AP2B1: variants seen among roughly 807,000 people sequenced by gnomAD.
The protein encoded by AP2B1 is adaptor related protein complex 2 subunit beta 1, also known as AP-2 complex subunit beta.
AP2B1 carries 23 observed loss-of-function variants against 102.0 expected under a neutral mutation model. The ratio of observed to expected loss-of-function variants is 0.23; its 90% CI spans 0.16 to 0.32. The LOEUF (loss-of-function observed/expected upper bound fraction) is 0.32, where lower values mean the gene tolerates loss of function less well. Among genes scored for constraint, AP2B1 ranks in the 10% least tolerant of loss-of-function variants. The pLI is 1.00. For missense variants in AP2B1, 541 were observed against 1,157.4 expected, an observed-to-expected ratio of 0.47 and a Z score of 7.73; for synonymous variants, 381 against 421.2, an observed-to-expected ratio of 0.90 and a Z score of 1.17.
intron 17 of AP2B1, among the ~76,000 whole-genome samples, chr17:35,679,596 T>C (rs957618748): frequency 2.6e-5 from 4 of 152,156 alleles, no homozygotes; most frequent in Non-Finnish European, 5.9e-5. Context: ...ACAGTAGTTT[T>C]GGAGAAGGTG....
intron 21 of AP2B1, among the ~76,000 whole-genome samples, chr17:35,720,545 T>TTATATATATATATATA (rs1213888032): frequency 4.8e-4 from 26 of 54,366 alleles, no homozygotes; most frequent in African/African-American, 2.0e-3. Context: ...TTTATTTTAT[T>TTATATATATATATATA]TATATATATA....
intron 20 of AP2B1, chr17:35,713,919 T>A (rs952345851): frequency 4.6e-5 from 7 of 152,228 alleles, no homozygotes; most frequent in African/African-American, 1.7e-4. Context: ...TGTTGGGAGA[T>A]CTGTATGAAT....
chr17:35,614,655 T>TG (rs754043078), intron 5 of AP2B1, among the ~76,000 whole-genome samples: 1 of 93,158 alleles, frequency 1.1e-5, no homozygotes, highest in Non-Finnish European at 2.0e-5. Flanking sequence ...GTTGAATTAG[T>TG]AAAAAAAAAA....
chr17:35,684,809 G>A lies in AP2B1; in HGVS notation c.2454+1985G>A, dbSNP rs138580511. On this transcript the variant is annotated intron_variant, in intron 18 of 21. Coordinates refer to ENST00000610402, the MANE Select transcript of AP2B1 (RefSeq NM_001030006.2). ...ATATTTGAGGACAGTCAGCATGCAC[G>A]CAAGAATGCTTTACCTCATAAGTAG... 2.4e-3 allele frequency among the ~76,000 whole-genome samples: 360 copies of A among 152,208 alleles called. 1 individual carries two copies. The highest frequency in any genetic ancestry group is 7.7e-3 in the African/African-American group (319 of 41,536).
At chr17:35,661,180 A>T (rs906692121) in intron 14 of AP2B1, among the ~76,000 whole-genome samples, 5 of 152,126 alleles carry the variant, frequency 3.3e-5, no homozygotes, top group African/African-American at 4.8e-5. Context: ...TATCTGCAGA[A>T]TTGGTCCCAC....
intron 10 of AP2B1, among the ~76,000 whole-genome samples, chr17:35,638,150 T>C (rs937059822): frequency 2.0e-5 from 3 of 152,182 alleles, no homozygotes; most frequent in Non-Finnish European, 4.4e-5. Context: ...TTTAAACTTA[T>C]TAAGGGTGAA....
chr17:35,670,534 A>C (rs1444918425), intron 14 of AP2B1, among the ~76,000 whole-genome samples: 1 of 152,140 alleles, frequency 6.6e-6, no homozygotes, highest in Non-Finnish European at 1.5e-5. Flanking sequence ...AGAGCGTCTT[A>C]GAATATGCAA....
chr17:35,671,762 A>G lies in AP2B1; in HGVS notation c.2040A>G (p.Gln680=), dbSNP rs757846710. The part of the protein sequence containing the change: ...GGIGGSPAVG[Q]SFIPSSVPAT... ...TTTTTTTTCTCCTGCAGGTGGGACA[A>G]TCCTTCATCCCATCATCGGTGCCTG... Residue 680 remains glutamine (Q), a synonymous_variant, in exon 16 of 22, where the codon CAA becomes CAG. Transcript: ENST00000610402. The G allele has an allele frequency of 4.3e-6, 7 of 1,613,500 alleles. No homozygotes were observed. In the South Asian group the frequency reaches 4.4e-5, roughly 10 times the overall value.
At chr17:35,660,015 T>C (rs3506) in intron 14 of AP2B1, 82,528 of 985,264 alleles carry the variant, frequency 0.084, 3,651 homozygotes, top group Middle Eastern at 0.13. Flanking sequence ...ATTGTTCTTA[T>C]GCAAATTACC....
chr17:35,685,744 A>T lies in AP2B1; in HGVS notation c.2454+2920A>T, dbSNP rs587612754. ...AGACTATTTGAAACACTATTTAAAA[A>T]TTTAAAAGATACCATTCATTCTTTT... On this transcript the variant is annotated intron_variant, in intron 18 of 21. Transcript: ENST00000610402. Among the ~76,000 whole-genome samples the T allele has an allele frequency of 4.6e-5, 7 of 152,316 alleles. No individual in the cohort carries two copies. The South Asian group carries it at 6.2e-4, about 14-fold the overall frequency.
At chr17:35,604,479 TG>T (rs771996169) in intron 3 of AP2B1, among the ~76,000 whole-genome samples, 7 of 151,658 alleles carry the variant, frequency 4.6e-5, no homozygotes, top group Non-Finnish European at 8.8e-5. Flanking sequence ...GACACTTGCC[TG>T]TGCGTGGTGG....
chr17:35,655,142 C>T (rs2075185791), intron 13 of AP2B1, among the ~76,000 whole-genome samples: 3 of 152,130 alleles, frequency 2.0e-5, no homozygotes, highest in Non-Finnish European at 4.4e-5. Flanking sequence ...AGAATATCTT[C>T]ATGTTACTTA....
intron 4 of AP2B1, 128 bp from the exon 5 acceptor site, chr17:35,608,014 T>G (rs2073743695): frequency 1.8e-6 from 2 of 1,103,760 alleles, no homozygotes; most frequent in Non-Finnish European, 1.3e-6. Context: ...CATGGAAGAT[T>G]GGAGCTCATG....
chr17:35,688,735 G>A (rs935893953), intron 18 of AP2B1, among the ~76,000 whole-genome samples: 1 of 152,138 alleles, frequency 6.6e-6, no homozygotes, highest in African/African-American at 2.4e-5. Context: ...AGGCCAAGGA[G>A]GGCGGATCAC....
intron 5 of AP2B1, among the ~76,000 whole-genome samples, chr17:35,619,900 T>C (rs1308134400): frequency 6.6e-6 from 1 of 152,158 alleles, no homozygotes; most frequent in Non-Finnish European, 1.5e-5. Flanking sequence ...TTCTCGTGCC[T>C]CAGCCTCCCG....
intron 1 of AP2B1, among the ~76,000 whole-genome samples, chr17:35,590,175 C>T (rs2073048480): frequency 6.6e-6 from 1 of 152,292 alleles, no homozygotes; most frequent in Admixed American, 6.5e-5. Context: ...CCGCCCGCCT[C>T]CCAAAGTGCT....
chr17:35,725,675 T>A lies in AP2B1; in HGVS notation c.*1976T>A, dbSNP rs1263443237. 1.3e-5 allele frequency: 2 copies of A among 152,534 alleles called. No individual in the cohort carries two copies. The highest frequency in any genetic ancestry group is 3.9e-4 in the East Asian group (2 of 5,194). The allele number at this position is 152,534 out of a possible 1,614,324, so 9.4% of individuals were successfully genotyped here. A position where few individuals can be genotyped will look rare whatever the true frequency, so the allele number is the denominator to read the frequency against. ...GAGCGGAAAAGCAGGTTGGTAAAGTTCCCTTCTTGGGACTTATTCCTGGAG... is the reference window on the plus strand; with the variant it reads ...GAGCGGAAAAGCAGGTTGGTAAAGTACCCTTCTTGGGACTTATTCCTGGAG... On this transcript the variant is annotated 3_prime_UTR_variant, in exon 22 of 22. Transcript: ENST00000610402.
intron 3 of AP2B1, among the ~76,000 whole-genome samples, chr17:35,602,539 A>G (rs1485651340): frequency 6.6e-6 from 1 of 152,242 alleles, no homozygotes; most frequent in Non-Finnish European, 1.5e-5. Flanking sequence ...AAAAATGAAA[A>G]GGAACAGATG....
intron 2 of AP2B1, chr17:35,597,272 C>A: frequency 3.0e-6 from 1 of 335,588 alleles, no homozygotes; most frequent in Non-Finnish European, 5.6e-6. Context: ...TGGGAGTAGT[C>A]AACCTCTTTT....
Sources: gnomAD v4.1 joint callset for allele counts (sites outside exome capture counted in the v4.1 genomes callset) on GRCh38, gnomAD v4.1.1 for gene constraint, MANE v1.5 for transcripts, NCBI Gene and HGNC (gene_info 2026-07-23, HGNC 2026-07-21) for gene names.